TMTC2: variants seen among roughly 807,000 people sequenced by gnomAD.
TMTC2 encodes transmembrane O-mannosyltransferase targeting cadherins 2, also known as protein O-mannosyl-transferase TMTC2.
Under a neutral mutation model 82.4 loss-of-function variants are expected in TMTC2, and 43 were observed. The observed-to-expected ratio is 0.52, with a 90% CI of 0.41 to 0.67. TMTC2 has a LOEUF of 0.67. TMTC2 is among the 30% of genes least tolerant of loss of function. The probability of loss-of-function intolerance (pLI) is 0.00; values close to 1 mark genes in which losing one functional copy is unlikely to be tolerated. For missense variants in TMTC2, 919 were observed against 1,012.4 expected (o/e 0.91, Z 1.25); for synonymous variants, 408 against 381.9 (o/e 1.07, Z -0.80).
chr12:82,989,023 A>T (rs1483899933), intron 8 of TMTC2, among the ~76,000 whole-genome samples: 1 of 151,646 alleles, frequency 6.6e-6, no homozygotes, highest in Non-Finnish European at 1.5e-5. Context: ...AAATCAGAAG[A>T]CATCTTTAAA....
At chr12:82,730,770 T>C (rs983480605) in intron 1 of TMTC2, among the ~76,000 whole-genome samples, 6 of 152,328 alleles carry the variant, frequency 3.9e-5, no homozygotes, top group East Asian at 1.9e-4. Flanking sequence ...CCTTACCTTA[T>C]TGTGGGCTCC....
intron 1 of TMTC2, among the ~76,000 whole-genome samples, chr12:82,750,721 T>G (rs1192869785): frequency 1.3e-5 from 2 of 152,178 alleles, no homozygotes; most frequent in Non-Finnish European, 2.9e-5. Context: ...TTATAGGTAT[T>G]ATTTTTCTAA....
intron 8 of TMTC2, among the ~76,000 whole-genome samples, chr12:82,996,129 G>A (rs7978478): frequency 6.6e-6 from 1 of 152,146 alleles, no homozygotes; most frequent in African/African-American, 2.4e-5. Flanking sequence ...TAAATGAAAA[G>A]AATTTTAACA....
chr12:82,937,621 G>A (rs569330051), intron 4 of TMTC2, among the ~76,000 whole-genome samples: 180 of 151,392 alleles, frequency 1.2e-3, no homozygotes, highest in African/African-American at 4.2e-3. Flanking sequence ...GGGCCCAGCC[G>A]GTAATTTTTA....
chr12:82,887,999 AT>A (rs1592602873), intron 2 of TMTC2, among the ~76,000 whole-genome samples: 1 of 152,300 alleles, frequency 6.6e-6, no homozygotes, highest in African/African-American at 2.4e-5. Flanking sequence ...GAATTGCTTG[AT>A]CCCAGGAGGC....
intron 3 of TMTC2, among the ~76,000 whole-genome samples, chr12:82,911,562 A>G (rs1340109037): frequency 2.6e-5 from 4 of 152,160 alleles, no homozygotes; most frequent in South Asian, 4.2e-4. Context: ...TTAAAGAATG[A>G]TAATATTGTT....
At chr12:82,930,958 G>A (rs1200082180) in intron 4 of TMTC2, among the ~76,000 whole-genome samples, 1 of 152,110 alleles carries the variant, frequency 6.6e-6, no homozygotes, top group Admixed American at 6.5e-5. Context: ...GCCTAGGCTA[G>A]AGTGCAGAGA....
chr12:82,719,085 A>ATATATTTTT (rs1282211374), intron 1 of TMTC2, among the ~76,000 whole-genome samples: 2 of 41,414 alleles, frequency 4.8e-5, no homozygotes, highest in Non-Finnish European at 3.8e-5. Context: ...ATATATATAT[A>ATATATTTTT]TTTTTTTTTT....
At chr12:82,997,431 CACAG>C (rs1421289618) in intron 8 of TMTC2, among the ~76,000 whole-genome samples, 1 of 45,062 alleles carries the variant, frequency 2.2e-5, no homozygotes, top group Non-Finnish European at 4.8e-5. Context: ...TATATATACA[CACAG>C]AGAGAGAGAA....
At chr12:83,103,237 A>G (rs565559071) in intron 11 of TMTC2, among the ~76,000 whole-genome samples, 3 of 152,350 alleles carry the variant, frequency 2.0e-5, no homozygotes, top group Admixed American at 1.3e-4. Flanking sequence ...CTGCACCAGT[A>G]TAGTGAAGCA....
intron 11 of TMTC2, among the ~76,000 whole-genome samples, chr12:83,068,767 G>A (rs1286018367): frequency 6.6e-6 from 1 of 151,844 alleles, no homozygotes; most frequent in Non-Finnish European, 1.5e-5. Context: ...GGTTACATGA[G>A]TACTTTAGTG....
At chr12:83,015,801 CT>C (rs1404289569) in intron 8 of TMTC2, among the ~76,000 whole-genome samples, 2 of 152,142 alleles carry the variant, frequency 1.3e-5, no homozygotes, top group African/African-American at 4.8e-5. Context: ...AATGCTGGGA[CT>C]TGGGAATGGT....
intron 1 of TMTC2, among the ~76,000 whole-genome samples, chr12:82,779,407 C>A (rs1283226975): frequency 6.6e-6 from 1 of 152,064 alleles, no homozygotes; most frequent in African/African-American, 2.4e-5. Context: ...AGGTATAACT[C>A]ACATTTATTA....
intron 3 of TMTC2, among the ~76,000 whole-genome samples, chr12:82,905,945 CAAA>C (rs75917698): frequency 7.3e-5 from 7 of 95,572 alleles, no homozygotes; most frequent in Admixed American, 1.2e-4. Flanking sequence ...AACTCTGTCT[CAAA>C]AAAAAAAAAA....
intron 4 of TMTC2, among the ~76,000 whole-genome samples, chr12:82,936,028 T>A (rs1487471691): frequency 2.6e-5 from 4 of 152,022 alleles, no homozygotes; most frequent in African/African-American, 4.8e-5. Flanking sequence ...AAATAAAAAA[T>A]GTCAAATATA....
chr12:83,005,620 G>A (rs1442474496), intron 8 of TMTC2, among the ~76,000 whole-genome samples: 1 of 152,122 alleles, frequency 6.6e-6, no homozygotes, highest in Non-Finnish European at 1.5e-5. Flanking sequence ...CTCTGACCCT[G>A]GGGACTTGGG....
chr12:83,059,529 G>A (rs1882664078), intron 10 of TMTC2, among the ~76,000 whole-genome samples: 1 of 151,670 alleles, frequency 6.6e-6, no homozygotes, highest in African/African-American at 2.4e-5. Context: ...AAATTAATTT[G>A]TGTAGTTATA....
chr12:82,929,201 A>G (rs950771887), intron 3 of TMTC2, among the ~76,000 whole-genome samples: 1 of 151,904 alleles, frequency 6.6e-6, no homozygotes, highest in African/African-American at 2.4e-5. Context: ...CGATCATGAC[A>G]TCTAACACGC....
chr12:82,998,846 A>T (rs1030414980), intron 8 of TMTC2, among the ~76,000 whole-genome samples: 1 of 152,186 alleles, frequency 6.6e-6, no homozygotes, highest in African/African-American at 2.4e-5. Context: ...GATAAAACAA[A>T]GGCTATAATT....
Sources: allele counts gnomAD v4.1 joint callset (sites outside exome capture counted in the v4.1 genomes callset), GRCh38; gene constraint gnomAD v4.1.1; transcripts MANE v1.5; gene names NCBI Gene and HGNC (gene_info 2026-07-23, HGNC 2026-07-21).